Variants in GPBP1L1 observed in about 807,000 individuals in gnomAD.
GPBP1L1 encodes vasculin-like protein 1.
In GPBP1L1, 23 loss-of-function variants were observed where a neutral mutation model predicts 52.5. The ratio of observed to expected loss-of-function variants is 0.44; its 90% CI spans 0.32 to 0.62. The LOEUF is 0.62. GPBP1L1 is among the 20% of genes least tolerant of loss of function. GPBP1L1 has a pLI of 0.06. For missense variants in GPBP1L1, 596 were observed against 579.3 expected, an observed-to-expected ratio of 1.03 and a Z score of -0.30; for synonymous variants, 243 against 203.1, an observed-to-expected ratio of 1.20 and a Z score of -1.67.
intron 3 of GPBP1L1, 80 bp from the exon 4 acceptor site, chr1:45,659,222 G>A (rs1029972178): frequency 8.7e-5 from 71 of 819,398 alleles, no homozygotes; most frequent in Non-Finnish European, 1.3e-4. Context: ...ATTATTCTAA[G>A]ATTCCTCTTT....
At chr1:45,658,784 A>G in intron 4 of GPBP1L1, 1 of 462,146 alleles carries the variant, frequency 2.2e-6, no homozygotes, top group Non-Finnish European at 3.8e-6. Flanking sequence ...CAACAACAAA[A>G]ACAAAAATTA....
chr1:45,680,886 T>C (rs1307732856), intron 2 of GPBP1L1, among the ~76,000 whole-genome samples: 2 of 152,054 alleles, frequency 1.3e-5, no homozygotes, highest in Non-Finnish European at 2.9e-5. Context: ...AAATGCCTAA[T>C]AGTTGGAGGG....
At chr1:45,670,787 C>CTTTTTTT (rs1157864588) in intron 2 of GPBP1L1, among the ~76,000 whole-genome samples, 46 of 111,176 alleles carry the variant, frequency 4.1e-4, no homozygotes, top group Middle Eastern at 5.3e-3. Context: ...TACCATATGT[C>CTTTTTTT]TTTTTTTTTT....
At chr1:45,646,560 A>AT (rs199539916) in intron 6 of GPBP1L1, among the ~76,000 whole-genome samples, 2,642 of 144,862 alleles carry the variant, frequency 0.018, 75 homozygotes, top group African/African-American at 0.055. Context: ...ACTTTTCAGT[A>AT]TTTTTTTTTT....
At chr1:45,655,973 T>C (rs1042437669) in intron 4 of GPBP1L1, 3 of 152,498 alleles carry the variant, frequency 2.0e-5, no homozygotes, top group African/African-American at 4.8e-5. Flanking sequence ...GGTCTCACTA[T>C]GTTGCCCAGG....
chr1:45,660,646 G>A lies in GPBP1L1; in HGVS notation c.-518C>T, dbSNP rs1272232017. The A allele has an allele frequency of 2.2e-5, 16 of 714,820 alleles. No homozygotes were observed. The South Asian group carries it at 8.8e-4, about 39-fold the overall frequency. The allele number at this position is 714,820 out of a possible 1,614,324, so 44.3% of individuals were successfully genotyped here. On this transcript the variant is annotated 5_prime_UTR_variant, in exon 3 of 13. Coordinates refer to ENST00000355105, the MANE Select transcript of GPBP1L1 (RefSeq NM_021639.5). ...GACAAATAATGTCATCAAGGTAATA[G>A]ATCAAAAATATTAAAGCCCTATAAA... is the stretch of plus-strand genomic sequence containing the variant.
intron 8 of GPBP1L1, among the ~76,000 whole-genome samples, chr1:45,636,585 C>T (rs1286003395): frequency 6.6e-6 from 1 of 152,196 alleles, no homozygotes; most frequent in Non-Finnish European, 1.5e-5. Flanking sequence ...TGGTTAACAA[C>T]AGGTTCCCTC....
At chr1:45,629,954 C>CTT (rs529687758) in intron 11 of GPBP1L1, among the ~76,000 whole-genome samples, 2 of 141,000 alleles carry the variant, frequency 1.4e-5, no homozygotes, top group African/African-American at 2.6e-5. Context: ...TGCAGTCTGG[C>CTT]TTTTTTTTTT....
intron 2 of GPBP1L1, 96 bp downstream of exon 2, chr1:45,685,480 A>C (rs1374632071): frequency 1.3e-5 from 2 of 152,206 alleles, no homozygotes; most frequent in Non-Finnish European, 2.9e-5. Flanking sequence ...ACCACAGCAC[A>C]ATTTCAAAAC....
At chr1:45,684,425 T>C (rs1457078142) in intron 2 of GPBP1L1, among the ~76,000 whole-genome samples, 1 of 152,136 alleles carries the variant, frequency 6.6e-6, no homozygotes, top group Non-Finnish European at 1.5e-5. Context: ...GTCTTATCTT[T>C]AACTCAAAAT....
At chr1:45,670,602 C>T (rs115477663) in intron 2 of GPBP1L1, among the ~76,000 whole-genome samples, 3 of 152,028 alleles carry the variant, frequency 2.0e-5, no homozygotes, top group African/African-American at 4.8e-5. Flanking sequence ...GATTTGTATA[C>T]GGTATGAGAC....
rs1644859785 is a variant in GPBP1L1, at chr1:45,654,581, C to A, written c.439G>T (p.Asp147Tyr). 6.2e-7 allele frequency: 1 copy of A among 1,612,728 alleles called. No homozygotes were observed. Among genetic ancestry groups the A allele is most frequent in the Non-Finnish European group, 8.5e-7 (1 of 1,178,924 alleles). Reference sequence around the variant, plus strand: ...TCAAACTGCAACTTTTCCACCTTGTCTTCTTTCTTTTCTTCCCTAATCTCC... The same window carrying A: ...TCAAACTGCAACTTTTCCACCTTGTATTCTTTCTTTTCTTCCCTAATCTCC... ...PMEIREEKKE[D>Y]KVEKLQFEEE... The change falls in exon 6 of 13, where the codon GAC (aspartate) becomes TAC (tyrosine). Residue 147 changes from aspartate to tyrosine, a missense_variant. By Grantham distance (160) the Asp-to-Tyr change is radical. Coordinates refer to ENST00000355105, the MANE Select transcript of GPBP1L1 (RefSeq NM_021639.5).
chr1:45,658,416 C>G (rs6656279), intron 4 of GPBP1L1, among the ~76,000 whole-genome samples: 81,634 of 151,860 alleles, frequency 0.54, 22,086 homozygotes, highest in Middle Eastern at 0.6. Context: ...GCTAATACAA[C>G]ACTTAACTGT....
In GPBP1L1 at chr1:45,633,615, G is replaced by A. The variant is rs765773919; in HGVS notation, c.918C>T (p.Ile306=). 47 of 1,613,874 alleles carry A rather than the reference G, an allele frequency of 2.9e-5. No homozygotes were observed. In the South Asian group the frequency reaches 3.4e-4, roughly 12 times the overall value. The change falls in exon 10 of 13, where the codon ATC becomes ATT. Residue 306 remains isoleucine (I), a synonymous_variant. Coordinates refer to ENST00000355105, the MANE Select transcript of GPBP1L1 (RefSeq NM_021639.5). Reference sequence around the variant, plus strand: ...TCAACTTGGTCAGACGAGAGGAGCTGATCTCAATTGGAGGGGTGGTGCTGG... The same window carrying A: ...TCAACTTGGTCAGACGAGAGGAGCTAATCTCAATTGGAGGGGTGGTGCTGG... The part of the protein sequence containing the change: ...SPSSTTPPIE[I]SSSRLTKLTR...
At chr1:45,647,166 A>T (rs1203647958) in intron 6 of GPBP1L1, among the ~76,000 whole-genome samples, 91 of 112,536 alleles carry the variant, frequency 8.1e-4, no homozygotes, top group South Asian at 1.1e-3. Flanking sequence ...ACTTCTTAGG[A>T]TTTTTTTTTT....
At chr1:45,658,276 T>A (rs973168008) in intron 4 of GPBP1L1, among the ~76,000 whole-genome samples, 1 of 152,208 alleles carries the variant, frequency 6.6e-6, no homozygotes, top group African/African-American at 2.4e-5. Context: ...CTCCTCTTCA[T>A]CTATCGCCAT....
chr1:45,638,456 C>G (rs573837193), intron 8 of GPBP1L1, among the ~76,000 whole-genome samples: 81 of 152,338 alleles, frequency 5.3e-4, no homozygotes, highest in African/African-American at 1.9e-3. Context: ...CTTGTTACCC[C>G]TGTTGCTATT....
chr1:45,649,605 G>A (rs1384988072), intron 6 of GPBP1L1, among the ~76,000 whole-genome samples: 2 of 151,738 alleles, frequency 1.3e-5, no homozygotes, highest in African/African-American at 2.4e-5. Context: ...CAGAGGTGAT[G>A]GTGCATATTT....
chr1:45,646,309 G>T, intron 6 of GPBP1L1: 1 of 181,648 alleles, frequency 5.5e-6, no homozygotes, highest in South Asian at 1.1e-4. Flanking sequence ...CAAAATCTTT[G>T]GCTCACATTT....
Sources: allele counts gnomAD v4.1 joint callset (sites outside exome capture counted in the v4.1 genomes callset), GRCh38; gene constraint gnomAD v4.1.1; transcripts MANE v1.5; gene names NCBI Gene and HGNC (gene_info 2026-07-23, HGNC 2026-07-21).